The following EDNRA variants were observed in gnomAD, a reference collection of about 807,000 sequenced individuals.
EDNRA encodes endothelin-1 receptor.
Under a neutral mutation model 41.4 loss-of-function variants are expected in EDNRA, and 11 were observed. That is an observed-to-expected ratio of 0.27 (90% CI 0.17 to 0.44). The LOEUF (loss-of-function observed/expected upper bound fraction) is 0.44. Ranked by LOEUF, EDNRA falls within the 20% of genes least tolerant of loss-of-function variation. The probability of loss-of-function intolerance (pLI) is 1.00; values close to 1 mark genes in which losing one functional copy is unlikely to be tolerated. For missense variants in EDNRA, 294 were observed against 531.0 expected, an observed-to-expected ratio of 0.55 and a Z score of 4.39; for synonymous variants, 172 against 183.0, an observed-to-expected ratio of 0.94 and a Z score of 0.49.
chr4:147,507,761 C>T (rs1729772610), intron 2 of EDNRA, among the ~76,000 whole-genome samples: 1 of 152,180 alleles, frequency 6.6e-6, no homozygotes, highest in African/African-American at 2.4e-5. Flanking sequence ...TTCACATTCC[C>T]ACCAGCTTTA....
intron 3 of EDNRA, among the ~76,000 whole-genome samples, chr4:147,523,709 T>C (rs574164089): frequency 2.6e-5 from 4 of 151,896 alleles, no homozygotes; most frequent in Non-Finnish European, 4.4e-5. Flanking sequence ...CCAGGATGGT[T>C]TCGATCTCCT....
rs150574677 is a variant in EDNRA, at chr4:147,503,936, A to G, written c.421-15915A>G. On this transcript the variant is annotated intron_variant, in intron 2 of 7. Transcript: ENST00000651419. ...CATTAAATGTTAACATAAATGATAT[A>G]TTTTTATGAAAAAAATTATATTTTC... is the stretch of plus-strand genomic sequence containing the variant. 1.3e-3 allele frequency among the ~76,000 whole-genome samples: 201 copies of G among 152,048 alleles called. 2 individuals are homozygous for G. Among genetic ancestry groups the G allele is most frequent in the African/African-American group, 4.5e-3 (186 of 41,384 alleles).
chr4:147,519,998 T>A lies in EDNRA; in HGVS notation c.548+20T>A, dbSNP rs368670655. The A allele has an allele frequency of 1.0e-5, 16 of 1,594,390 alleles. No individual in the cohort carries two copies. The highest frequency in any genetic ancestry group is 1.4e-5 in the Non-Finnish European group (16 of 1,171,272). ...TGACAGGTAATGTGGTTCTTTCCCT[T>A]TGCTCTTTGGCTGGGCTTAGAAAAG... On this transcript the variant is annotated intron_variant, in intron 3 of 7. Transcript: ENST00000651419. This position sits in a 1 kb window ranked among gnomAD's most constrained non-coding sequence, Gnocchi z 4.1.
At chr4:147,536,666 A>G (rs1429058392) in intron 5 of EDNRA, among the ~76,000 whole-genome samples, 1 of 152,208 alleles carries the variant, frequency 6.6e-6, no homozygotes, top group Non-Finnish European at 1.5e-5. Context: ...TCTCTAGAGC[A>G]ATGTCTAATG....
chr4:147,502,780 G>A (rs759764057), intron 2 of EDNRA, among the ~76,000 whole-genome samples: 9 of 152,160 alleles, frequency 5.9e-5, no homozygotes, highest in Non-Finnish European at 1.3e-4. Context: ...AATGTCATGT[G>A]ATAACATGTC....
chr4:147,536,048 T>C lies in EDNRA; in HGVS notation c.900+19T>C. The C allele has an allele frequency of 3.1e-6, 5 of 1,613,634 alleles. No homozygotes were observed. The highest frequency in any genetic ancestry group is 2.2e-5 in the East Asian group (1 of 44,876). Reference sequence around the variant, plus strand: ...TAAGCAGGTAAATCCCATAACATCATGAAAATCTGGCCAGGACTGGTTAGT... The same window carrying C: ...TAAGCAGGTAAATCCCATAACATCACGAAAATCTGGCCAGGACTGGTTAGT... On this transcript the variant is annotated intron_variant, in intron 5 of 7. Coordinates refer to ENST00000651419, the MANE Select transcript of EDNRA (RefSeq NM_001957.4).
At chr4:147,481,952 T>C (rs1176112427) in intron 1 of EDNRA, among the ~76,000 whole-genome samples, 1 of 152,202 alleles carries the variant, frequency 6.6e-6, no homozygotes, top group Non-Finnish European at 1.5e-5. Context: ...TAAAGGACAC[T>C]TGTTGCTTCT....
intron 2 of EDNRA, among the ~76,000 whole-genome samples, chr4:147,501,497 C>T (rs1729515789): frequency 6.6e-6 from 1 of 152,184 alleles, no homozygotes; most frequent in African/African-American, 2.4e-5. Context: ...TAGACCAGTC[C>T]TGATCACCAA....
chr4:147,513,929 T>G (rs1024354094), intron 2 of EDNRA, among the ~76,000 whole-genome samples: 2 of 152,176 alleles, frequency 1.3e-5, no homozygotes, highest in African/African-American at 4.8e-5. Context: ...ACAAAAATAA[T>G]GTACAAGTAA....
At chr4:147,511,950 C>T (rs1729943550) in intron 2 of EDNRA, among the ~76,000 whole-genome samples, 1 of 152,186 alleles carries the variant, frequency 6.6e-6, no homozygotes, top group African/African-American at 2.4e-5. Flanking sequence ...ACTCACAACA[C>T]ATGGAAAATC....
intron 2 of EDNRA, among the ~76,000 whole-genome samples, chr4:147,499,654 A>G (rs183145091): frequency 1.7e-3 from 257 of 152,324 alleles, no homozygotes; most frequent in African/African-American, 5.9e-3. Flanking sequence ...GGGTAATTAA[A>G]AGCAGCACTA....
intron 3 of EDNRA, among the ~76,000 whole-genome samples, chr4:147,526,560 A>T (rs1203417165): frequency 1.3e-5 from 2 of 152,208 alleles, no homozygotes; most frequent in Admixed American, 1.3e-4. Flanking sequence ...AGCCACACTC[A>T]ATTGATCAAA....
chr4:147,492,496 C>G (rs1208977877), intron 2 of EDNRA: 6 of 152,088 alleles, frequency 3.9e-5, no homozygotes, highest in Non-Finnish European at 8.8e-5. Context: ...GATGATTTTC[C>G]CCTTCCTTTT....
chr4:147,540,259 G>T, intron 6 of EDNRA, 118 bp from the exon 7 acceptor site: 2 of 868,994 alleles, frequency 2.3e-6, no homozygotes, highest in Non-Finnish European at 3.5e-6. Context: ...AATTCTAACT[G>T]CCACCCATAC....
At chr4:147,522,457 G>C (rs975009484) in intron 3 of EDNRA, among the ~76,000 whole-genome samples, 1 of 151,914 alleles carries the variant, frequency 6.6e-6, no homozygotes, top group African/African-American at 2.4e-5. Context: ...AGAATCGCTT[G>C]AACCCGGGAG....
chr4:147,529,712 T>C (rs1730677787), intron 3 of EDNRA, among the ~76,000 whole-genome samples: 1 of 152,206 alleles, frequency 6.6e-6, no homozygotes, highest in African/African-American at 2.4e-5. Context: ...ACTGACTAGA[T>C]GGAAGGCTAT....
At chr4:147,509,059 TTGTTA>T (rs1325933036) in intron 2 of EDNRA, among the ~76,000 whole-genome samples, 4 of 152,250 alleles carry the variant, frequency 2.6e-5, no homozygotes, top group Non-Finnish European at 5.9e-5. Flanking sequence ...AATTCTTCTT[TTGTTA>T]TATGTATTCT....
intron 2 of EDNRA, chr4:147,492,469 G>A (rs760702559): frequency 5.3e-5 from 8 of 152,148 alleles, no homozygotes; most frequent in Non-Finnish European, 1.2e-4. Context: ...GGGAAGCAGA[G>A]CAGCACATAA....
chr4:147,495,052 A>G (rs563268866), intron 2 of EDNRA: 178 of 152,330 alleles, frequency 1.2e-3, no homozygotes, highest in African/African-American at 4.1e-3. Flanking sequence ...AATATTACCT[A>G]AAGTGTAGCG....
Sources: gnomAD v4.1 joint callset for allele counts (sites outside exome capture counted in the v4.1 genomes callset) on GRCh38, gnomAD v4.1.1 for gene constraint, Gnocchi (gnomAD v3.1) non-coding constraint, MANE v1.5 for transcripts, NCBI Gene and HGNC (gene_info 2026-07-23, HGNC 2026-07-21) for gene names.